The following PELI1 variants were observed in gnomAD, a reference collection of about 807,000 sequenced individuals.
PELI1 encodes the protein pellino E3 ubiquitin protein ligase 1.
PELI1 carries 15 observed loss-of-function variants against 41.3 expected under a neutral mutation model. The observed-to-expected ratio is 0.36, with a 90% CI of 0.24 to 0.56. The LOEUF (loss-of-function observed/expected upper bound fraction) is 0.56. Among genes scored for constraint, PELI1 ranks in the 20% least tolerant of loss-of-function variants. The pLI, the probability that PELI1 is intolerant of heterozygous loss-of-function variation, is 0.82. For missense variants in PELI1, 403 were observed against 525.5 expected (o/e 0.77, Z 2.28); for synonymous variants, 178 against 180.1 (o/e 0.99, Z 0.09).
chr2:64,134,530 T>C (rs933480437), intron 1 of PELI1, among the ~76,000 whole-genome samples: 14 of 152,176 alleles, frequency 9.2e-5, no homozygotes, highest in African/African-American at 3.1e-4. Flanking sequence ...GGTTTCTAAT[T>C]AGAAGCAGCC....
chr2:64,121,520 T>G (rs1324411713), intron 1 of PELI1, among the ~76,000 whole-genome samples: 4 of 152,234 alleles, frequency 2.6e-5, no homozygotes, highest in African/African-American at 9.6e-5. Flanking sequence ...TAAAGATCTG[T>G]GTTTATATCA....
intron 1 of PELI1, among the ~76,000 whole-genome samples, chr2:64,140,872 G>C (rs1319784719): frequency 7.3e-6 from 1 of 136,634 alleles, no homozygotes; most frequent in Non-Finnish European, 1.5e-5. Flanking sequence ...AATAATTCTT[G>C]TCTTGAGGTT....
At position 64,144,244 on chromosome 2, in the gene PELI1, G is replaced by C. The variant is rs1208336326; in HGVS notation, c.-233C>G. 6.6e-6 allele frequency: 1 copy of C among 152,258 alleles called. No homozygotes were observed. Among genetic ancestry groups the C allele is most frequent in the Non-Finnish European group, 1.5e-5 (1 of 68,092 alleles). The allele number at this position is 152,258 out of a possible 1,614,324, so 9.4% of individuals were successfully genotyped here. A position where few individuals can be genotyped will look rare whatever the true frequency, so the allele number is the denominator to read the frequency against. On this transcript the variant is annotated 5_prime_UTR_variant, in exon 1 of 7. Transcript: ENST00000358912. ...GAGGGGAAGTTGACCACGGAGCCGAGCGCTGAGGAGCCGCGGACGCAGGGA... is the reference window on the plus strand; with the variant it reads ...GAGGGGAAGTTGACCACGGAGCCGACCGCTGAGGAGCCGCGGACGCAGGGA...
intron 3 of PELI1, among the ~76,000 whole-genome samples, chr2:64,103,526 C>A (rs2103679854): frequency 6.6e-6 from 1 of 152,260 alleles, no homozygotes; most frequent in East Asian, 1.9e-4. Flanking sequence ...TCCTCAGATT[C>A]AATCAATCTG....
intron 1 of PELI1, among the ~76,000 whole-genome samples, chr2:64,131,220 A>G (rs1408202722): frequency 6.7e-6 from 1 of 149,946 alleles, no homozygotes. Context: ...ATAAGATATT[A>G]TATTAAATTT....
At chr2:64,104,156 T>C (rs1488170106) in intron 3 of PELI1, among the ~76,000 whole-genome samples, 1 of 152,240 alleles carries the variant, frequency 6.6e-6, no homozygotes, top group Non-Finnish European at 1.5e-5. Flanking sequence ...TTGATTCAAC[T>C]TAATAATTAT....
chr2:64,100,519 T>C lies in PELI1; in HGVS notation c.202-20A>G, dbSNP rs775255466. Reference sequence around the variant, plus strand: ...TATTGCCTAAGAATGAAAAAGTTAATAGCAAAAATTAGTAGGCAGGTCAAT... The same window carrying C: ...TATTGCCTAAGAATGAAAAAGTTAACAGCAAAAATTAGTAGGCAGGTCAAT... On this transcript the variant is annotated intron_variant, in intron 3 of 6. Coordinates refer to ENST00000358912, the MANE Select transcript of PELI1 (RefSeq NM_020651.4). 3.4e-6 allele frequency: 4 copies of C among 1,166,314 alleles called. No homozygotes were observed. The highest frequency in any genetic ancestry group is 2.4e-5 in the East Asian group (1 of 42,312). 72.2% of individuals were successfully genotyped at this position (1,166,314 alleles called of 1,614,324 possible).
At chr2:64,104,673 T>G in intron 3 of PELI1, 28 bp downstream of exon 3, 1 of 1,547,938 alleles carries the variant, frequency 6.5e-7, no homozygotes, top group Non-Finnish European at 8.7e-7. Flanking sequence ...CCAAGTTAAT[T>G]TATGTAGCTT....
intron 1 of PELI1, chr2:64,143,519 C>T (rs2103756598): frequency 6.6e-6 from 1 of 152,264 alleles, no homozygotes; most frequent in African/African-American, 2.4e-5. Context: ...GGCGTATTAA[C>T]TTGTTTCCTA....
chr2:64,125,824 A>G (rs1269736592), intron 1 of PELI1, among the ~76,000 whole-genome samples: 3 of 152,242 alleles, frequency 2.0e-5, no homozygotes, highest in African/African-American at 7.2e-5. Flanking sequence ...GCAACACGAC[A>G]TCGTAAGTGG....
At chr2:64,123,280 T>C (rs10186108) in intron 1 of PELI1, among the ~76,000 whole-genome samples, 48,266 of 152,174 alleles carry the variant, frequency 0.32, 8,284 homozygotes, top group East Asian at 0.77. Context: ...AGCACTGCCT[T>C]CCTAAATTGG....
Position 64,094,697 on chromosome 2 carries a change from G to T in PELI1, c.*5C>A. On this transcript the variant is annotated 3_prime_UTR_variant, in exon 7 of 7. Coordinates refer to ENST00000358912, the MANE Select transcript of PELI1 (RefSeq NM_020651.4). Reference sequence around the variant, plus strand: ...TATAATGTAGTCCTGCAAGACAATGGTCTGTTAGTCTAGAGGTCCTTGAAA... The same window carrying T: ...TATAATGTAGTCCTGCAAGACAATGTTCTGTTAGTCTAGAGGTCCTTGAAA... 7 of 1,602,758 alleles carry T rather than the reference G, an allele frequency of 4.4e-6. No individual in the cohort carries two copies. Among genetic ancestry groups the T allele is most frequent in the Middle Eastern group, 1.7e-4 (1 of 6,030 alleles).
At chr2:64,141,622 A>G (rs1050481701) in intron 1 of PELI1, among the ~76,000 whole-genome samples, 11 of 152,252 alleles carry the variant, frequency 7.2e-5, no homozygotes, top group Non-Finnish European at 2.9e-5. Flanking sequence ...ACCATAATAC[A>G]TCATATTCTG....
In PELI1 at chr2:64,094,885, G is replaced by C; in HGVS notation, c.1074C>G (p.Gly358=). ...ACGGGCTAAACGCATGGGTTGGAGG[G>C]CCGGCGTCCACATAAAATCCAGCTT... ...GCEAGFYVDA[G]PPTHAFSPCG... Residue 358 remains glycine (G), a synonymous_variant, in exon 7 of 7, where the codon GGC becomes GGG. Transcript: ENST00000358912. 6.2e-7 allele frequency: 1 copy of C among 1,614,186 alleles called. No homozygotes were observed. Among genetic ancestry groups the C allele is most frequent in the Non-Finnish European group, 8.5e-7 (1 of 1,180,038 alleles).
intron 4 of PELI1, among the ~76,000 whole-genome samples, chr2:64,098,819 G>A (rs533237682): frequency 1.3e-5 from 2 of 152,240 alleles, no homozygotes; most frequent in African/African-American, 4.8e-5. Context: ...GGTAGTTTCT[G>A]ATACATCACA....
At chr2:64,120,964 T>C in intron 1 of PELI1, among the ~76,000 whole-genome samples, 1 of 152,232 alleles carries the variant, frequency 6.6e-6, no homozygotes, top group Admixed American at 6.5e-5. Context: ...AACCACCCTT[T>C]ATCACACAGC....
At chr2:64,097,441 A>G (rs1680280213) in intron 4 of PELI1, among the ~76,000 whole-genome samples, 1 of 152,222 alleles carries the variant, frequency 6.6e-6, no homozygotes, top group African/African-American at 2.4e-5. Flanking sequence ...TCTTAGGGAT[A>G]TTTCAGAGAG....
intron 1 of PELI1, among the ~76,000 whole-genome samples, chr2:64,122,359 A>C (rs964645340): frequency 3.3e-5 from 5 of 150,586 alleles, no homozygotes; most frequent in Non-Finnish European, 7.4e-5. Context: ...AAAAAAAAAA[A>C]AACTCCAGAA....
At chr2:64,143,794 G>T (rs1019194378) in intron 1 of PELI1, among the ~76,000 whole-genome samples, 123 of 152,022 alleles carry the variant, frequency 8.1e-4, no homozygotes, top group Non-Finnish European at 1.6e-3. Context: ...CGGAGCGCGC[G>T]GCCAGCCAGG....
Sources: allele counts gnomAD v4.1 joint callset (sites outside exome capture counted in the v4.1 genomes callset), GRCh38; gene constraint gnomAD v4.1.1; transcripts MANE v1.5; gene names NCBI Gene and HGNC (gene_info 2026-07-23, HGNC 2026-07-21).